Variants in TRIM5 observed in about 807,000 individuals in gnomAD.
TRIM5 encodes tripartite motif-containing protein 5.
TRIM5 carries 31 observed loss-of-function variants against 35.6 expected under a neutral mutation model. The observed-to-expected ratio is 0.87, with a 90% CI of 0.65 to 1.18. The LOEUF (loss-of-function observed/expected upper bound fraction) is 1.18, where lower values mean the gene tolerates loss of function less well. Ranked by LOEUF, TRIM5 falls within the 50% of genes most tolerant of loss-of-function variation. The pLI, the probability that TRIM5 is intolerant of heterozygous loss-of-function variation, is 0.00. For synonymous variants in TRIM5, 243 were observed against 215.6 expected (o/e 1.13, Z -1.11); for missense variants, 609 against 591.6 (o/e 1.03, Z -0.31).
the TRIM5 span, among the ~76,000 whole-genome samples, chr11:5,630,067 C>T: frequency 4.6e-5 from 7 of 152,238 alleles, no homozygotes; most frequent in South Asian, 4.1e-4. Context: ...GTGAAACTAA[C>T]GTAGCTTAGG....
At chr11:5,599,383 A>ATATTTATTTATTTATTTATT in the TRIM5 span, among the ~76,000 whole-genome samples, 639 of 146,936 alleles carry the variant, frequency 4.3e-3, 7 homozygotes, top group African/African-American at 6.3e-3. Flanking sequence ...TACAATTATT[A>ATATTTATTTATTTATTTATT]TATTTATTTA....
chr11:5,651,118 T>C, the TRIM5 span, among the ~76,000 whole-genome samples: 1 of 152,220 alleles, frequency 6.6e-6, no homozygotes, highest in South Asian at 2.1e-4. Flanking sequence ...AGAGGGTCAC[T>C]AGGTCCTGTG....
At chr11:5,655,265 G>A in the TRIM5 span, among the ~76,000 whole-genome samples, 6 of 151,652 alleles carry the variant, frequency 4.0e-5, no homozygotes, top group Non-Finnish European at 8.8e-5. Context: ...AGCTGGGTGG[G>A]AACAATATTC....
chr11:5,667,671 C>T lies in TRIM5; in HGVS notation c.767+18G>A. On this transcript the variant is annotated intron_variant, in intron 5 of 7. Coordinates refer to ENST00000380034, the MANE Select transcript of TRIM5 (RefSeq NM_033034.3). ...TCCTCACTGCACAAAAGGACCATCT[C>T]TGTCCTCCCACACATACCTTTTTAT... The T allele has an allele frequency of 1.9e-6, 3 of 1,613,218 alleles. No individual in the cohort carries two copies. Among genetic ancestry groups the T allele is most frequent in the Non-Finnish European group, 2.5e-6 (3 of 1,179,588 alleles).
chr11:5,639,923 A>G, the TRIM5 span, among the ~76,000 whole-genome samples: 6,153 of 152,284 alleles, frequency 0.04, 398 homozygotes, highest in African/African-American at 0.14. Flanking sequence ...TTACATCAGT[A>G]CATCAGAGTA....
At chr11:5,592,228 G>A in the TRIM5 span, among the ~76,000 whole-genome samples, 1 of 152,048 alleles carries the variant, frequency 6.6e-6, no homozygotes, top group African/African-American at 2.4e-5. Context: ...TTTATTCATC[G>A]GTATTACTCC....
chr11:5,599,590 A>C, the TRIM5 span, among the ~76,000 whole-genome samples: 1 of 151,962 alleles, frequency 6.6e-6, no homozygotes, highest in Non-Finnish European at 1.5e-5. Context: ...TTTTTAGTAG[A>C]GACAGGGTTT....
downstream of TRIM5, among the ~76,000 whole-genome samples, chr11:5,658,221 C>G (rs1012792105): frequency 9.9e-5 from 15 of 152,208 alleles, no homozygotes; most frequent in Non-Finnish European, 2.9e-5. Context: ...CAACAGGCAC[C>G]AGCACATGCT....
At chr11:5,611,433 T>A in the TRIM5 span, 1 of 1,150,612 alleles carries the variant, frequency 8.7e-7, no homozygotes, top group Non-Finnish European at 1.2e-6. Context: ...TTCTGTGTTC[T>A]CAATTCTTTT....
Position 5,665,315 on chromosome 11 carries a change from G to C in TRIM5, c.976C>G (p.Gln326Glu). 1.2e-6 allele frequency: 2 copies of C among 1,614,138 alleles called. No individual in the cohort carries two copies. The highest frequency in any genetic ancestry group is 1.7e-6 in the Non-Finnish European group (2 of 1,180,038). The change falls in exon 8 of 8, where the codon CAG becomes GAG. Residue 326 changes from glutamine to glutamate, a missense_variant. By Grantham distance (29) the Gln-to-Glu change is conservative. Transcript: ENST00000380034. ...GTCCCTCGTGCCCCATATATTATCTGTGGTTTCGGAGAGCTCACTTGTCTC... is the reference window on the plus strand; with the variant it reads ...GTCCCTCGTGCCCCATATATTATCTCTGGTTTCGGAGAGCTCACTTGTCTC... ...DKRQVSSPKP[Q>E]IIYGARGTRY...
chr11:5,611,252 C>T, the TRIM5 span: 66 of 1,613,950 alleles, frequency 4.1e-5, no homozygotes, highest in Non-Finnish European at 5.3e-5. Flanking sequence ...TCTACACTTT[C>T]TCTAAATATT....
chr11:5,606,785 T>C, the TRIM5 span, among the ~76,000 whole-genome samples: 1 of 152,222 alleles, frequency 6.6e-6, no homozygotes, highest in Non-Finnish European at 1.5e-5. Flanking sequence ...CATTCATTAG[T>C]ATGACTGCCC....
chr11:5,603,827 CTTTA>C, the TRIM5 span: 1 of 1,493,860 alleles, frequency 6.7e-7, no homozygotes, highest in Non-Finnish European at 8.9e-7. Flanking sequence ...TCTTTGTAGT[CTTTA>C]TTTACCTAGA....
chr11:5,649,311 G>A, the TRIM5 span, among the ~76,000 whole-genome samples: 8 of 152,234 alleles, frequency 5.3e-5, no homozygotes, highest in Non-Finnish European at 1.5e-5. Context: ...CAAGCACCTC[G>A]AGTGATAGCG....
the TRIM5 span, among the ~76,000 whole-genome samples, chr11:5,634,069 T>A: frequency 6.6e-6 from 1 of 152,338 alleles, no homozygotes; most frequent in East Asian, 1.9e-4. Flanking sequence ...GTGGACATGT[T>A]ACAATTACAC....
downstream of TRIM5, among the ~76,000 whole-genome samples, chr11:5,658,961 T>C (rs1850722587): frequency 1.3e-5 from 2 of 152,072 alleles, no homozygotes; most frequent in African/African-American, 2.4e-5. Context: ...ATGAGAACAC[T>C]TGGACACAGG....
At chr11:5,671,595 C>T (rs56334873) in intron 4 of TRIM5, among the ~76,000 whole-genome samples, 22,107 of 151,474 alleles carry the variant, frequency 0.15, 2,442 homozygotes, top group East Asian at 0.44. Context: ...GATCATTGAA[C>T]CTGAAAAGCT....
At chr11:5,645,009 T>C in the TRIM5 span, among the ~76,000 whole-genome samples, 1,076 of 152,286 alleles carry the variant, frequency 7.1e-3, 13 homozygotes, top group African/African-American at 0.024. Flanking sequence ...TTCCTGTTCC[T>C]GCTAATGTTA....
the TRIM5 span, chr11:5,596,946 T>C: frequency 6.2e-7 from 1 of 1,614,058 alleles, no homozygotes; most frequent in African/African-American, 1.3e-5. Flanking sequence ...CTGGCTCTTA[T>C]TGTCACTTCT....
Sources: allele counts gnomAD v4.1 joint callset (sites outside exome capture counted in the v4.1 genomes callset), GRCh38; gene constraint gnomAD v4.1.1; transcripts MANE v1.5; gene names NCBI Gene and HGNC (gene_info 2026-07-23, HGNC 2026-07-21).